Variants in CAST observed in about 807,000 individuals in gnomAD.
The protein encoded by CAST is calpastatin.
In CAST, 76 loss-of-function variants were observed where a neutral mutation model predicts 119.6. That is an observed-to-expected ratio of 0.64 (90% CI 0.53 to 0.77). The LOEUF is 0.77. CAST is among the 30% of genes least tolerant of loss of function. CAST has a pLI of 0.00. For synonymous variants in CAST, 319 were observed against 331.6 expected (o/e 0.96, Z 0.41); for missense variants, 953 against 946.5 (o/e 1.01, Z -0.09).
chr5:96,423,284 G>C, the CAST span: 547 of 1,591,082 alleles, frequency 3.4e-4, 2 homozygotes, highest in African/African-American at 6.6e-3. Flanking sequence ...AGCTCCCTAA[G>C]TCACAGTCAT....
At chr5:96,026,561 C>T in the CAST span, among the ~76,000 whole-genome samples, 4,928 of 152,330 alleles carry the variant, frequency 0.032, 124 homozygotes, top group Admixed American at 0.078. Flanking sequence ...CTCCTGGAAA[C>T]AGAAGGCAAT....
At chr5:96,603,342 T>C (rs928599555) in intron 1 of CAST, among the ~76,000 whole-genome samples, 7 of 152,190 alleles carry the variant, frequency 4.6e-5, no homozygotes, top group African/African-American at 1.7e-4. Flanking sequence ...TGTACAAAAA[T>C]GTTTTCTTTC....
the CAST span, among the ~76,000 whole-genome samples, chr5:96,402,997 A>G: frequency 4.7e-4 from 72 of 152,298 alleles, no homozygotes; most frequent in East Asian, 0.011. Context: ...AAGGCAGTCA[A>G]TGGGCAACAC....
At chr5:96,517,589 G>A in the CAST span, among the ~76,000 whole-genome samples, 1 of 152,226 alleles carries the variant, frequency 6.6e-6, no homozygotes, top group Non-Finnish European at 1.5e-5. Flanking sequence ...TGTAGCTGGA[G>A]ACGAGTTGTG....
At chr5:96,708,190 A>G (rs905661773) in intron 3 of CAST, among the ~76,000 whole-genome samples, 7 of 152,206 alleles carry the variant, frequency 4.6e-5, no homozygotes, top group Admixed American at 2.6e-4. Context: ...GCGTTATTTT[A>G]TAGCATTTTA....
At chr5:96,054,478 C>T in the CAST span, among the ~76,000 whole-genome samples, 7 of 152,124 alleles carry the variant, frequency 4.6e-5, no homozygotes, top group Middle Eastern at 3.4e-3. Context: ...TTATTCATCA[C>T]GGCATAGTCC....
the CAST span, among the ~76,000 whole-genome samples, chr5:96,118,559 A>G: frequency 1.2e-4 from 18 of 151,908 alleles, no homozygotes; most frequent in African/African-American, 4.1e-4. Context: ...ATTTACATAA[A>G]TGTCTACTGA....
chr5:96,403,238 T>C, the CAST span, among the ~76,000 whole-genome samples: 6 of 152,226 alleles, frequency 3.9e-5, no homozygotes, highest in African/African-American at 1.4e-4. Flanking sequence ...AGCTTCATTG[T>C]CATGCAATTA....
At chr5:96,507,334 G>A in the CAST span, among the ~76,000 whole-genome samples, 1 of 152,304 alleles carries the variant, frequency 6.6e-6, no homozygotes, top group South Asian at 2.1e-4. Flanking sequence ...ATCCAAATCT[G>A]TGTAATAAGT....
At chr5:96,553,920 G>T (rs188625526) in intron 1 of CAST, among the ~76,000 whole-genome samples, 61 of 152,272 alleles carry the variant, frequency 4.0e-4, no homozygotes, top group Middle Eastern at 3.4e-3. Context: ...CAAACAAATG[G>T]AAAAACATTC....
chr5:96,119,377 T>C, the CAST span, among the ~76,000 whole-genome samples: 1 of 151,756 alleles, frequency 6.6e-6, no homozygotes, highest in Non-Finnish European at 1.5e-5. Context: ...AATCTAGAGG[T>C]TTCACATTAA....
chr5:96,693,229 C>G (rs17086561), intron 2 of CAST, among the ~76,000 whole-genome samples: 4,050 of 152,290 alleles, frequency 0.027, 186 homozygotes, highest in African/African-American at 0.092. Context: ...TTTAGGGGAA[C>G]AGATCATACC....
the CAST span, among the ~76,000 whole-genome samples, chr5:96,485,528 G>A: frequency 1.3e-5 from 2 of 152,124 alleles, no homozygotes; most frequent in African/African-American, 4.8e-5. Flanking sequence ...GAGTAACAAG[G>A]CAGTGGGTAC....
At chr5:96,148,754 C>T in the CAST span, among the ~76,000 whole-genome samples, 2 of 152,330 alleles carry the variant, frequency 1.3e-5, no homozygotes, top group Admixed American at 6.5e-5. Flanking sequence ...ATCAAGTTAT[C>T]TGATCCCTAC....
chr5:96,704,855 T>G (rs1462298607), intron 3 of CAST, among the ~76,000 whole-genome samples: 1 of 152,218 alleles, frequency 6.6e-6, no homozygotes, highest in Non-Finnish European at 1.5e-5. Flanking sequence ...GACTTAAAAA[T>G]GTCATCTTAA....
chr5:96,020,835 C>T, the CAST span, among the ~76,000 whole-genome samples: 1 of 130,162 alleles, frequency 7.7e-6, no homozygotes, highest in Admixed American at 7.7e-5. Context: ...CCCCACCCCC[C>T]ACCCCCCAAC....
intron 1 of CAST, among the ~76,000 whole-genome samples, chr5:96,601,730 G>A (rs1188657127): frequency 6.6e-6 from 1 of 152,016 alleles, no homozygotes; most frequent in East Asian, 1.9e-4. Flanking sequence ...AAAGTTTCAG[G>A]ATACATCTTA....
intron 3 of CAST, among the ~76,000 whole-genome samples, chr5:96,708,104 T>C (rs1387305091): frequency 6.6e-6 from 1 of 152,250 alleles, no homozygotes; most frequent in African/African-American, 2.4e-5. Flanking sequence ...TGGCTAATAA[T>C]CATCAGCGTC....
chr5:96,144,393 G>T, the CAST span, among the ~76,000 whole-genome samples: 11 of 152,152 alleles, frequency 7.2e-5, no homozygotes, highest in Middle Eastern at 3.2e-3. Context: ...TTAAGGTGCT[G>T]AAAGCCTTGT....
Sources: gnomAD v4.1 joint callset for allele counts (sites outside exome capture counted in the v4.1 genomes callset) on GRCh38, gnomAD v4.1.1 for gene constraint, MANE v1.5 for transcripts, NCBI Gene and HGNC (gene_info 2026-07-23, HGNC 2026-07-21) for gene names.